Variants in KCNAB1 observed in about 807,000 individuals in gnomAD.
The protein encoded by KCNAB1 is potassium voltage-gated channel subfamily A regulatory beta subunit 1, also known as voltage-gated potassium channel subunit beta-1.
Under a neutral mutation model 64.6 loss-of-function variants are expected in KCNAB1, and 35 were observed. That is an observed-to-expected ratio of 0.54 (90% CI 0.41 to 0.72). KCNAB1 has a LOEUF of 0.72. Ranked by LOEUF, KCNAB1 falls within the 30% of genes least tolerant of loss-of-function variation. KCNAB1 has a pLI of 0.00. For synonymous variants in KCNAB1, 177 were observed against 183.8 expected, an observed-to-expected ratio of 0.96 and a Z score of 0.30; for missense variants, 401 against 512.9, an observed-to-expected ratio of 0.78 and a Z score of 2.11.
intron 1 of KCNAB1, among the ~76,000 whole-genome samples, chr3:156,241,287 AT>A (rs1302201060): frequency 6.6e-6 from 1 of 152,172 alleles, no homozygotes; most frequent in African/African-American, 2.4e-5. Flanking sequence ...CTTATTGCAA[AT>A]CTTCCCATAC....
chr3:156,417,469 G>T lies in KCNAB1; in HGVS notation c.276-4147G>T, dbSNP rs139444609. ...ATCGGGGATTTTGCCCCATGCATAT[G>T]CTTCTTGCTTGGTCAAATGCAAGGC... On this transcript the variant is annotated intron_variant, in intron 1 of 13. Transcript: ENST00000490337. Among the ~76,000 whole-genome samples the T allele has an allele frequency of 4.1e-3, 623 of 152,284 alleles. 3 individuals are homozygous for T. Among genetic ancestry groups the T allele is most frequent in the African/African-American group, 0.014 (593 of 41,546 alleles).
intron 1 of KCNAB1, among the ~76,000 whole-genome samples, chr3:156,368,809 T>C (rs1198903047): frequency 6.6e-6 from 1 of 152,202 alleles, no homozygotes; most frequent in African/African-American, 2.4e-5. Context: ...AGATGACCAC[T>C]CAATGTTATT....
chr3:156,188,135 C>A (rs867117312), intron 1 of KCNAB1, among the ~76,000 whole-genome samples: 1 of 151,902 alleles, frequency 6.6e-6, no homozygotes, highest in African/African-American at 2.4e-5. Context: ...TTGGGCATCT[C>A]AAGATTACCT....
At chr3:156,484,786 G>A (rs2108339255) in intron 8 of KCNAB1, among the ~76,000 whole-genome samples, 1 of 152,128 alleles carries the variant, frequency 6.6e-6, no homozygotes, top group East Asian at 1.9e-4. Context: ...CTTACTTTCT[G>A]TACAAAAGGA....
chr3:156,271,164 C>A (rs938323660), intron 1 of KCNAB1, among the ~76,000 whole-genome samples: 6 of 152,018 alleles, frequency 3.9e-5, no homozygotes, highest in Non-Finnish European at 5.9e-5. Context: ...TTTGAGGTAG[C>A]CTTCTTTGGG....
chr3:156,372,045 A>G (rs1282595002), intron 1 of KCNAB1, among the ~76,000 whole-genome samples: 1 of 152,210 alleles, frequency 6.6e-6, no homozygotes, highest in East Asian at 1.9e-4. Context: ...GCAGTTACAG[A>G]TTAATTACTT....
At position 156,457,452 on chromosome 3, in the gene KCNAB1, G is replaced by A; in HGVS notation, c.358-1G>A. 1 of 1,613,822 alleles carries A rather than the reference G, an allele frequency of 6.2e-7. No homozygotes were observed. The highest frequency in any genetic ancestry group is 8.5e-7 in the Non-Finnish European group (1 of 1,179,780). On this transcript the variant is annotated splice_acceptor_variant, in intron 3 of 13. Coordinates refer to ENST00000490337, the MANE Select transcript of KCNAB1 (RefSeq NM_172160.3). LOFTEE classifies it high-confidence loss of function. ...TGAGTGACCTTTCTCTCCCCTTGCA[G>A]GTTGCTGAACGGCTGATGACCATCG...
chr3:156,336,665 G>A lies in KCNAB1; in HGVS notation c.276-84951G>A, dbSNP rs372853401. 1.8e-4 allele frequency among the ~76,000 whole-genome samples: 28 copies of A among 152,328 alleles called. 2 individuals are homozygous for A. Among genetic ancestry groups the A allele is most frequent in the Admixed American group, 1.4e-3 (22 of 15,312 alleles). On this transcript the variant is annotated intron_variant, in intron 1 of 13. Coordinates refer to ENST00000490337, the MANE Select transcript of KCNAB1 (RefSeq NM_172160.3). ...AATTTCCAGTGACAAACCTGGAGAT[G>A]CCTTTTGCAGATTCTAAGGGAGTGT...
At chr3:156,467,776 T>C (rs1576905074) in intron 7 of KCNAB1, among the ~76,000 whole-genome samples, 1 of 152,240 alleles carries the variant, frequency 6.6e-6, no homozygotes, top group South Asian at 2.1e-4. Context: ...GTAAATGGGG[T>C]AGATTCCAGA....
intron 3 of KCNAB1, chr3:156,456,887 GGTTCCT>G (rs1337457746): frequency 6.5e-6 from 1 of 153,996 alleles, no homozygotes; most frequent in African/African-American, 2.4e-5. Flanking sequence ...TGAGGAGCTG[GGTTCCT>G]GGTGAGTCAG....
chr3:156,520,792 TTTTTG>T (rs1300726871), intron 11 of KCNAB1, among the ~76,000 whole-genome samples: 1 of 152,214 alleles, frequency 6.6e-6, no homozygotes, highest in Non-Finnish European at 1.5e-5. Flanking sequence ...AGTGACTTTG[TTTTTG>T]TTTTGAGTCA....
chr3:156,173,728 G>T (rs746224079), intron 1 of KCNAB1, among the ~76,000 whole-genome samples: 8 of 152,180 alleles, frequency 5.3e-5, no homozygotes, highest in Non-Finnish European at 1.0e-4. Flanking sequence ...AGGGCCACAG[G>T]GTGCCCAGAT....
chr3:156,500,530 A>G (rs1005588655), intron 8 of KCNAB1, among the ~76,000 whole-genome samples: 4 of 152,206 alleles, frequency 2.6e-5, no homozygotes, highest in Non-Finnish European at 5.9e-5. Flanking sequence ...CAAAATAAAA[A>G]AACTAACAAT....
chr3:156,467,475 C>T (rs1713502303), intron 7 of KCNAB1, among the ~76,000 whole-genome samples: 1 of 152,088 alleles, frequency 6.6e-6, no homozygotes, highest in African/African-American at 2.4e-5. Flanking sequence ...CTTCGAAAAT[C>T]AAAATAGATA....
chr3:156,484,600 G>A (rs1715064338), intron 8 of KCNAB1, among the ~76,000 whole-genome samples: 1 of 152,102 alleles, frequency 6.6e-6, no homozygotes, highest in Non-Finnish European at 1.5e-5. Context: ...TCCTCGATCT[G>A]CTGCAGCAGA....
chr3:156,465,260 A>G (rs1184690758), intron 6 of KCNAB1, among the ~76,000 whole-genome samples: 1 of 152,242 alleles, frequency 6.6e-6, no homozygotes, highest in African/African-American at 2.4e-5. Context: ...AAAAAAGTTC[A>G]GCAGCCTGGC....
At chr3:156,340,466 G>A (rs1465050576) in intron 1 of KCNAB1, among the ~76,000 whole-genome samples, 2 of 152,190 alleles carry the variant, frequency 1.3e-5, no homozygotes, top group Admixed American at 6.5e-5. Flanking sequence ...CCTGGCAGAT[G>A]TAGCTGAGGG....
At chr3:156,502,671 G>C (rs187163279) in intron 8 of KCNAB1, among the ~76,000 whole-genome samples, 101 of 152,124 alleles carry the variant, frequency 6.6e-4, no homozygotes, top group African/African-American at 2.3e-3. Flanking sequence ...ATTTTCATTT[G>C]TGTCAGGGAA....
intron 1 of KCNAB1, among the ~76,000 whole-genome samples, chr3:156,122,328 G>A (rs984693278): frequency 6.6e-6 from 1 of 152,206 alleles, no homozygotes; most frequent in South Asian, 2.1e-4. Flanking sequence ...GCAAAGGAAA[G>A]CATTGAAAAT....
Sources: allele counts gnomAD v4.1 joint callset (sites outside exome capture counted in the v4.1 genomes callset), GRCh38; gene constraint gnomAD v4.1.1; transcripts MANE v1.5; gene names NCBI Gene and HGNC (gene_info 2026-07-23, HGNC 2026-07-21).